ADAMTSL1: variants seen among roughly 807,000 people sequenced by gnomAD.
The protein encoded by ADAMTSL1 is ADAMTS-like protein 1.
ADAMTSL1 carries 126 observed loss-of-function variants against 201.8 expected under a neutral mutation model. The ratio of observed to expected loss-of-function variants is 0.62; its 90% CI spans 0.54 to 0.72. ADAMTSL1 has a LOEUF of 0.72. Ranked by LOEUF, ADAMTSL1 falls within the 30% of genes least tolerant of loss-of-function variation. The pLI is 0.00. For synonymous variants in ADAMTSL1, 1,121 were observed against 903.4 expected, an observed-to-expected ratio of 1.24 and a Z score of -4.32; for missense variants, 2,679 against 2,277.8, an observed-to-expected ratio of 1.18 and a Z score of -3.59.
intron 8 of ADAMTSL1, among the ~76,000 whole-genome samples, chr9:18,658,802 C>G (rs1409383498): frequency 6.6e-6 from 1 of 152,110 alleles, no homozygotes; most frequent in African/African-American, 2.4e-5. Flanking sequence ...TCATTTAGTT[C>G]CTTTAACTTT....
intron 1 of ADAMTSL1, among the ~76,000 whole-genome samples, chr9:18,036,922 C>A (rs973438690): frequency 6.6e-6 from 1 of 152,198 alleles, no homozygotes; most frequent in East Asian, 1.9e-4. Context: ...CCTACCCTCA[C>A]TATTACATGG....
At position 18,662,185 on chromosome 9, in the gene ADAMTSL1, T is replaced by C. The variant is rs1016946086; in HGVS notation, c.1085+112T>C. On this transcript the variant is annotated intron_variant, in intron 9 of 28. Transcript: ENST00000380548. ...AAAATAAAATGAAATTAAACATCAA[T>C]AGTGTTGCTGTCCAGTGTTCATTAC... The C allele has an allele frequency of 9.6e-6, 13 of 1,348,880 alleles. No individual in the cohort carries two copies. The African/African-American group carries it at 1.8e-4, about 19-fold the overall frequency. The allele number at this position is 1,348,880 out of a possible 1,614,324, so 83.6% of individuals were successfully genotyped here. A position where few individuals can be genotyped will look rare whatever the true frequency, so the allele number is the denominator to read the frequency against.
intron 21 of ADAMTSL1, among the ~76,000 whole-genome samples, chr9:18,823,914 C>T (rs1824372093): frequency 1.3e-5 from 2 of 152,016 alleles, no homozygotes; most frequent in Admixed American, 1.3e-4. Context: ...CGCTGGAACC[C>T]AGGAGGCAGA....
At chr9:17,984,977 G>C (rs1387050179) in intron 1 of ADAMTSL1, among the ~76,000 whole-genome samples, 2 of 152,100 alleles carry the variant, frequency 1.3e-5, no homozygotes, top group Non-Finnish European at 2.9e-5. Flanking sequence ...CATTGTGTTT[G>C]AGCAGATAGC....
intron 19 of ADAMTSL1, among the ~76,000 whole-genome samples, chr9:18,791,815 G>A (rs1047976605): frequency 2.6e-5 from 4 of 152,094 alleles, no homozygotes; most frequent in Non-Finnish European, 4.4e-5. Flanking sequence ...ACATGTCACC[G>A]TTTCCATTGC....
At chr9:18,339,654 C>A (rs1835390155) in intron 2 of ADAMTSL1, among the ~76,000 whole-genome samples, 2 of 152,096 alleles carry the variant, frequency 1.3e-5, no homozygotes, top group African/African-American at 4.8e-5. Flanking sequence ...TGGGATCTCA[C>A]TTTGTTGCCC....
chr9:18,601,635 G>A (rs986568530), intron 4 of ADAMTSL1, among the ~76,000 whole-genome samples: 1 of 151,978 alleles, frequency 6.6e-6, no homozygotes, highest in Non-Finnish European at 1.5e-5. Flanking sequence ...AATTATTTTT[G>A]TATATTTATT....
In ADAMTSL1 at chr9:18,747,380, C is replaced by T. The variant is rs916068608; in HGVS notation, c.2007-5918C>T. ...TCTGCTGAGACCTCAGTGAATGAGGCTCGGATCATGCAGAACTGAGGTTCA... is the reference window on the plus strand; with the variant it reads ...TCTGCTGAGACCTCAGTGAATGAGGTTCGGATCATGCAGAACTGAGGTTCA... On this transcript the variant is annotated intron_variant, in intron 15 of 28. Coordinates refer to ENST00000380548, the MANE Select transcript of ADAMTSL1 (RefSeq NM_001040272.6). Among the ~76,000 whole-genome samples the T allele has an allele frequency of 2.6e-5, 4 of 151,932 alleles. No homozygotes were observed. The East Asian group carries it at 7.7e-4, about 29-fold the overall frequency.
chr9:18,457,061 C>T (rs1820633495), intron 2 of ADAMTSL1, among the ~76,000 whole-genome samples: 2 of 152,156 alleles, frequency 1.3e-5, no homozygotes, highest in Admixed American at 6.5e-5. Context: ...GTTTCATCAT[C>T]TGTTTATCAT....
intron 20 of ADAMTSL1, among the ~76,000 whole-genome samples, chr9:18,798,366 AGT>A (rs1223476389): frequency 6.6e-6 from 1 of 152,242 alleles, no homozygotes; most frequent in African/African-American, 2.4e-5. Flanking sequence ...TCATCTGGAA[AGT>A]GGTGCTAATA....
intron 2 of ADAMTSL1, among the ~76,000 whole-genome samples, chr9:18,262,568 G>T (rs1003692430): frequency 6.6e-6 from 1 of 152,148 alleles, no homozygotes; most frequent in Non-Finnish European, 1.5e-5. Context: ...AAATATGGGA[G>T]CTTCTTGCAG....
chr9:18,602,061 G>A (rs1418705098), intron 4 of ADAMTSL1, among the ~76,000 whole-genome samples: 2 of 152,192 alleles, frequency 1.3e-5, no homozygotes, highest in Non-Finnish European at 2.9e-5. Flanking sequence ...GCAGGGCAAT[G>A]CAGTACAGGC....
chr9:18,233,749 A>T (rs147256021), intron 2 of ADAMTSL1, among the ~76,000 whole-genome samples: 1 of 152,186 alleles, frequency 6.6e-6, no homozygotes, highest in South Asian at 2.1e-4. Flanking sequence ...TGCCAGAAGC[A>T]CTGTACTGCT....
At chr9:18,688,254 G>T (rs1054503867) in intron 13 of ADAMTSL1, among the ~76,000 whole-genome samples, 1 of 151,638 alleles carries the variant, frequency 6.6e-6, no homozygotes, top group Admixed American at 6.6e-5. Flanking sequence ...CTCCCGCATA[G>T]CTGGGATTAC....
chr9:18,102,190 T>C (rs1341284294), intron 1 of ADAMTSL1, among the ~76,000 whole-genome samples: 1 of 152,252 alleles, frequency 6.6e-6, no homozygotes. Context: ...CCTAAGCTGA[T>C]CTTTTCATAC....
chr9:18,546,446 C>T (rs571619944), intron 3 of ADAMTSL1, among the ~76,000 whole-genome samples: 1 of 152,096 alleles, frequency 6.6e-6, no homozygotes, highest in African/African-American at 2.4e-5. Flanking sequence ...TATTAGATTC[C>T]TTTTCCTTTG....
chr9:18,133,108 C>G (rs1008444813), intron 1 of ADAMTSL1, among the ~76,000 whole-genome samples: 1 of 152,116 alleles, frequency 6.6e-6, no homozygotes, highest in Non-Finnish European at 1.5e-5. Flanking sequence ...TTCAGACTCT[C>G]CTCCGGAATT....
intron 9 of ADAMTSL1, among the ~76,000 whole-genome samples, chr9:18,668,477 A>C (rs978147666): frequency 6.6e-6 from 1 of 152,162 alleles, no homozygotes; most frequent in African/African-American, 2.4e-5. Flanking sequence ...AAGTTTTTTA[A>C]AGTGTAATTA....
chr9:18,446,686 A>G (rs1820205479), intron 2 of ADAMTSL1, among the ~76,000 whole-genome samples: 1 of 152,252 alleles, frequency 6.6e-6, no homozygotes, highest in Non-Finnish European at 1.5e-5. Flanking sequence ...CCTTTGACGT[A>G]GATCTTCATA....
Sources: gnomAD v4.1 joint callset for allele counts (sites outside exome capture counted in the v4.1 genomes callset) on GRCh38, gnomAD v4.1.1 for gene constraint, MANE v1.5 for transcripts, NCBI Gene and HGNC (gene_info 2026-07-23, HGNC 2026-07-21) for gene names.